GLI3: variants seen among roughly 807,000 people sequenced by gnomAD.
GLI3 encodes the protein GLI family zinc finger 3, also known as transcription activator GLI3.
A neutral mutation model predicts 100.8 loss-of-function variants in GLI3; 20 were observed. The ratio of observed to expected loss-of-function variants is 0.20; its 90% confidence interval spans 0.14 to 0.29. GLI3 has a LOEUF of 0.29. GLI3 is among the 10% of genes least tolerant of loss of function. GLI3 has a pLI of 1.00. For missense variants in GLI3, 2,040 were observed against 2,128.5 expected (o/e 0.96, Z 0.82); for synonymous variants, 938 against 860.5 (o/e 1.09, Z -1.58).
In GLI3 at chr7:41,964,361, T is replaced by C. The variant is rs555888138; in HGVS notation, c.4712A>G (p.Glu1571Gly). 3.7e-6 allele frequency: 6 copies of C among 1,614,208 alleles called. No homozygotes were observed. In the East Asian group the frequency reaches 1.3e-4, roughly 36 times the overall value. The change falls in exon 15 of 15, where the codon GAA (glutamate) becomes GGA (glycine). Residue 1571 changes from glutamate (E) to glycine (G), a missense_variant. Around this residue, in one of 5 missense-constraint regions of GLI3, gnomAD observed 1,041 missense variants for 924.0 expected, o/e 1.13. Transcript: ENST00000395925. ...CATAACTGCAAGGAATTTGCTTTCT[T>C]CCGCTAGGGAGGTCAGCAAAGAACT... ...DMSSLLTSLA[E>G]ESKFLAVMQ is the part of the protein sequence containing the mutation.
chr7:42,233,311 CTG>C (rs1788729720), intron 1 of GLI3, among the ~76,000 whole-genome samples: 1 of 152,210 alleles, frequency 6.6e-6, no homozygotes, highest in Admixed American at 6.5e-5. Context: ...GCTCATAAAA[CTG>C]TTGCTGGAGC....
At chr7:42,010,712 G>C (rs902289677) in intron 10 of GLI3, among the ~76,000 whole-genome samples, 5 of 152,180 alleles carry the variant, frequency 3.3e-5, no homozygotes, top group Non-Finnish European at 5.9e-5. Flanking sequence ...TAATAGTTAA[G>C]AACATCTAAA....
chr7:41,966,246 T>G lies in GLI3; in HGVS notation c.2827A>C (p.Thr943Pro), dbSNP rs1583731870. Residue 943 changes from threonine to proline, a missense_variant, in exon 15 of 15, where the codon ACG (threonine) becomes CCG (proline). By Grantham distance (38) the Thr-to-Pro change is conservative (BLOSUM62 -1). Coordinates refer to ENST00000395925, the MANE Select transcript of GLI3 (RefSeq NM_000168.6). The surrounding 1 kb of genome is among the most constrained non-coding windows in gnomAD (Gnocchi z 5.8). The stretch of plus-strand genomic sequence containing the variant: ...ATCCTCTCCATGTTGGGCAGGGGCG[T>G]CGGCGGCGGCCCTCCTGTGGCAGCC... Reference protein sequence around the residue: ...YAAATGGPPPTPLPNMERMSL... With the variant: ...YAAATGGPPPPPLPNMERMSL... 6.2e-7 allele frequency: 1 copy of G among 1,608,332 alleles called. No homozygotes were observed. Among genetic ancestry groups the G allele is most frequent in the Non-Finnish European group, 8.5e-7 (1 of 1,179,074 alleles).
intron 4 of GLI3, among the ~76,000 whole-genome samples, chr7:42,058,731 C>T (rs188016705): frequency 6.6e-6 from 1 of 152,294 alleles, no homozygotes; most frequent in East Asian, 1.9e-4. Flanking sequence ...TAGTCATGTT[C>T]TTCCAACAAC....
chr7:42,201,838 C>A (rs147070616), intron 2 of GLI3, among the ~76,000 whole-genome samples: 4,302 of 152,264 alleles, frequency 0.028, 89 homozygotes, highest in Middle Eastern at 0.054. Context: ...AATCCTAGCA[C>A]TTTGGGAAGC....
chr7:42,008,065 G>A (rs1278251829), intron 10 of GLI3, among the ~76,000 whole-genome samples: 1 of 152,180 alleles, frequency 6.6e-6, no homozygotes, highest in Non-Finnish European at 1.5e-5. Context: ...AACTTCTGCG[G>A]TATAAAGAAT....
At chr7:42,246,844 T>C (rs1478170809) in intron 1 of GLI3, among the ~76,000 whole-genome samples, 1 of 130,104 alleles carries the variant, frequency 7.7e-6, no homozygotes. Context: ...TGAGGGACGA[T>C]ATCCTTTCTG....
At chr7:42,051,445 T>C (rs919634220) in intron 4 of GLI3, among the ~76,000 whole-genome samples, 4 of 152,106 alleles carry the variant, frequency 2.6e-5, no homozygotes, top group African/African-American at 9.7e-5. Flanking sequence ...CACACATATA[T>C]ACAAATATAC....
rs1031440709 is a variant in GLI3 at position 41,965,117 on chromosome 7, C to T, written c.3956G>A (p.Gly1319Glu). The T allele has an allele frequency of 6.2e-7, 1 of 1,613,776 alleles. No individual in the cohort carries two copies. Among genetic ancestry groups the T allele is most frequent in the Non-Finnish European group, 8.5e-7 (1 of 1,179,972 alleles). ...GAGCTGGTGAGCCAGGTACCCCTGT[C>T]CCACTGGGTCCTGGTTCTGCATGCC... Reference protein sequence around the residue: ...VNGMQNQDPVGQGYLAHQLLG... With the variant: ...VNGMQNQDPVEQGYLAHQLLG... Residue 1319 changes from glycine to glutamate, a missense_variant, in exon 15 of 15, where the codon GGA becomes GAA. Gly to Glu is a moderately conservative substitution (Grantham distance 98, BLOSUM62 -2). Coordinates refer to ENST00000395925, the MANE Select transcript of GLI3 (RefSeq NM_000168.6).
chr7:42,011,193 G>A (rs1788602881), intron 10 of GLI3, among the ~76,000 whole-genome samples: 1 of 152,198 alleles, frequency 6.6e-6, no homozygotes, highest in Admixed American at 6.5e-5. Context: ...ACAGATAGCA[G>A]TGTCATAGAG....
rs1164106956 is a variant in GLI3, at chr7:41,972,279, C to T, written c.2103+58G>A. The T allele has an allele frequency of 3.8e-5, 58 of 1,520,896 alleles. No homozygotes were observed. The highest frequency in any genetic ancestry group is 4.9e-5 in the Non-Finnish European group (54 of 1,096,696). 94.2% of individuals were successfully genotyped at this position (1,520,896 alleles called of 1,614,324 possible). A position where few individuals can be genotyped will look rare whatever the true frequency, so the allele number is the denominator to read the frequency against. The stretch of plus-strand genomic sequence containing the variant: ...GGGAAGTCCTGTCCCTCTATGCACC[C>T]TACCTGGCTCTTTTAAATGGGCCTG... On this transcript the variant is annotated intron_variant, in intron 13 of 14. Coordinates refer to ENST00000395925, the MANE Select transcript of GLI3 (RefSeq NM_000168.6). This position sits in a 1 kb window ranked among gnomAD's most constrained non-coding sequence, Gnocchi z 4.4.
At chr7:42,037,878 T>C (rs1202930777) in intron 7 of GLI3, among the ~76,000 whole-genome samples, 1 of 152,160 alleles carries the variant, frequency 6.6e-6, no homozygotes, top group Non-Finnish European at 1.5e-5. Context: ...CAGGAGACCG[T>C]AAGGACTAAG....
At chr7:42,116,163 T>C (rs1785849713) in intron 3 of GLI3, among the ~76,000 whole-genome samples, 1 of 152,114 alleles carries the variant, frequency 6.6e-6, no homozygotes, top group African/African-American at 2.4e-5. Flanking sequence ...ATGTCACATG[T>C]ATGAAAAATT....
chr7:42,197,241 C>T (rs1344755277), intron 2 of GLI3, among the ~76,000 whole-genome samples: 1 of 152,240 alleles, frequency 6.6e-6, no homozygotes, highest in Non-Finnish European at 1.5e-5. Flanking sequence ...AACCTATCAA[C>T]AGCTATCCAA....
chr7:42,079,942 T>C (rs1784965119), intron 3 of GLI3, among the ~76,000 whole-genome samples: 1 of 152,228 alleles, frequency 6.6e-6, no homozygotes, highest in Non-Finnish European at 1.5e-5. Flanking sequence ...TGAGTGTTTA[T>C]AATGAAGTTG....
At chr7:42,071,203 T>C (rs1442817745) in intron 4 of GLI3, among the ~76,000 whole-genome samples, 1 of 152,186 alleles carries the variant, frequency 6.6e-6, no homozygotes, top group Non-Finnish European at 1.5e-5. Context: ...GTTCATGTTT[T>C]CTTTTTCTTT....
chr7:42,067,770 T>TA (rs1181108063), intron 4 of GLI3, among the ~76,000 whole-genome samples: 24 of 150,312 alleles, frequency 1.6e-4, no homozygotes, highest in Admixed American at 1.1e-3. Flanking sequence ...GGGGGAACCT[T>TA]AAAAAAAAAG....
chr7:42,158,786 C>T (rs947760020), intron 2 of GLI3, among the ~76,000 whole-genome samples: 6 of 152,158 alleles, frequency 3.9e-5, no homozygotes, highest in African/African-American at 4.8e-5. Flanking sequence ...TGAGCCACCG[C>T]GCCCAGCTGA....
At chr7:42,190,140 C>CAA (rs11341473) in intron 2 of GLI3, among the ~76,000 whole-genome samples, 3 of 140,082 alleles carry the variant, frequency 2.1e-5, no homozygotes, top group African/African-American at 5.1e-5. Flanking sequence ...ATCTTACTGT[C>CAA]AAAAAAAAAA....
Sources: allele counts gnomAD v4.1 joint callset (sites outside exome capture counted in the v4.1 genomes callset), GRCh38; gene constraint gnomAD v4.1.1; regional missense constraint gnomAD v4.1.1; non-coding constraint Gnocchi (gnomAD v3.1); transcripts MANE v1.5; gene names NCBI Gene and HGNC (gene_info 2026-07-23, HGNC 2026-07-21).